Variants in PARP11 observed in about 807,000 individuals in gnomAD.
PARP11 encodes the protein poly(ADP-ribose) polymerase family member 11, also known as protein mono-ADP-ribosyltransferase PARP11.
A neutral mutation model predicts 42.9 loss-of-function variants in PARP11; 31 were observed. The ratio of observed to expected loss-of-function variants is 0.72; its 90% CI spans 0.54 to 0.98. The LOEUF (loss-of-function observed/expected upper bound fraction) is 0.98. Among genes scored for constraint, PARP11 ranks in the 50% least tolerant of loss-of-function variants. The pLI is 0.00. For missense variants in PARP11, 365 were observed against 413.1 expected (o/e 0.88, Z 1.01); for synonymous variants, 137 against 127.3 (o/e 1.08, Z -0.51).
At chr12:3,848,337 G>C (rs1361175414) in intron 1 of PARP11, among the ~76,000 whole-genome samples, 1 of 152,020 alleles carries the variant, frequency 6.6e-6, no homozygotes, top group African/African-American at 2.4e-5. Flanking sequence ...AACCACAAAA[G>C]ACCCTGAATA....
intron 4 of PARP11, among the ~76,000 whole-genome samples, chr12:3,823,475 G>A (rs1032950833): frequency 6.6e-6 from 1 of 152,050 alleles, no homozygotes; most frequent in African/African-American, 2.4e-5. Context: ...ATTATTCCTA[G>A]TGCTTACGAC....
rs949055200 is a variant in PARP11 at position 3,810,687 on chromosome 12, G to C, written c.*1436C>G. On this transcript the variant is annotated 3_prime_UTR_variant, in exon 8 of 8. Coordinates refer to ENST00000228820, the MANE Select transcript of PARP11 (RefSeq NM_020367.6). ...GGAAGGAAGGAAGGAAGGAAGGAAAGAAAGAAGGAAGGAAGAGAGAGAGAA... is the reference window on the plus strand; with the variant it reads ...GGAAGGAAGGAAGGAAGGAAGGAAACAAAGAAGGAAGGAAGAGAGAGAGAA... 4.9e-5 allele frequency: 7 copies of C among 141,724 alleles called. No homozygotes were observed. Among genetic ancestry groups the C allele is most frequent in the Non-Finnish European group, 9.0e-5 (6 of 66,474 alleles). The allele number at this position is 141,724 out of a possible 1,614,324, so 8.8% of individuals were successfully genotyped here.
At position 3,853,726 on chromosome 12, in the gene PARP11, C is replaced by T. The variant is rs149986308; in HGVS notation, c.18+19486G>A. Among the ~76,000 whole-genome samples the T allele has an allele frequency of 1.7e-3, 254 of 152,218 alleles. 1 individual carries two copies. The highest frequency in any genetic ancestry group is 5.7e-3 in the African/African-American group (237 of 41,526). ...CCACTGTCAATATTAGATAGATCAA[C>T]GAGACAGAAAGTTAACAAGGATATC... On this transcript the variant is annotated intron_variant, in intron 1 of 7. Transcript: ENST00000228820.
chr12:3,869,729 T>C (rs1484275385), intron 1 of PARP11, among the ~76,000 whole-genome samples: 1 of 152,240 alleles, frequency 6.6e-6, no homozygotes, highest in Non-Finnish European at 1.5e-5. Flanking sequence ...GTACTCTTTT[T>C]CTTTCATATC....
chr12:3,825,008 G>A (rs1033442430), intron 4 of PARP11, among the ~76,000 whole-genome samples: 108 of 151,424 alleles, frequency 7.1e-4, no homozygotes, highest in African/African-American at 2.4e-3. Flanking sequence ...CAAAAGTCTT[G>A]AGAAACAAAC....
intron 6 of PARP11, among the ~76,000 whole-genome samples, chr12:3,817,621 C>A (rs1947318298): frequency 6.6e-6 from 1 of 152,204 alleles, no homozygotes; most frequent in African/African-American, 2.4e-5. Context: ...TTGCCCAGAT[C>A]CACAATCATT....
intron 1 of PARP11, among the ~76,000 whole-genome samples, chr12:3,865,695 G>A (rs1401220127): frequency 6.6e-6 from 1 of 151,900 alleles, no homozygotes; most frequent in African/African-American, 2.4e-5. Context: ...TTAGCACTGT[G>A]TATCTTTCTC....
chr12:3,840,437 G>A lies in PARP11; in HGVS notation c.19-10419C>T, dbSNP rs947746917. 7.4e-6 allele frequency: 12 copies of A among 1,613,152 alleles called. No individual in the cohort carries two copies. In the African/African-American group the frequency reaches 9.3e-5, roughly 13 times the overall value. On this transcript the variant is annotated intron_variant, in intron 1 of 7. Transcript: ENST00000228820. This position sits in a 1 kb window ranked among gnomAD's most constrained non-coding sequence, Gnocchi z 4.4. ...AAAGCCCCATTAGCACTACCTCCTC[G>A]ACTGCAGCATCCTTCAGGAGTAAGA...
At chr12:3,821,148 TA>T (rs1165313770) in intron 6 of PARP11, among the ~76,000 whole-genome samples, 1 of 152,226 alleles carries the variant, frequency 6.6e-6, no homozygotes, top group African/African-American at 2.4e-5. Context: ...CTTTTGTGTT[TA>T]TTTGCAATTT....
chr12:3,835,438 A>T (rs1343619417), intron 1 of PARP11, among the ~76,000 whole-genome samples: 1 of 152,218 alleles, frequency 6.6e-6, no homozygotes. Context: ...CAGAGTTGCT[A>T]TGTTACTTAA....
intron 7 of PARP11, 36 bp from the exon 8 acceptor site, chr12:3,812,475 T>C (rs1276556990): frequency 6.7e-7 from 1 of 1,482,012 alleles, no homozygotes. Context: ...CCAAGATTAC[T>C]CCGAAGAATA....
intron 3 of PARP11, 131 bp from the exon 4 acceptor site, chr12:3,826,364 G>A: frequency 1.8e-6 from 1 of 569,310 alleles, no homozygotes; most frequent in Admixed American, 3.3e-5. Flanking sequence ...CAAGCATAGT[G>A]TATTATGGGT....
intron 1 of PARP11, among the ~76,000 whole-genome samples, chr12:3,845,352 A>G (rs1407084171): frequency 6.6e-6 from 1 of 152,182 alleles, no homozygotes; most frequent in Non-Finnish European, 1.5e-5. Flanking sequence ...CAATGCCGAT[A>G]TATCTTATTT....
chr12:3,840,125 A>G lies in PARP11; in HGVS notation c.19-10107T>C. The stretch of plus-strand genomic sequence containing the variant: ...TCTAAACAAGCTCAGCAAAAACGTG[A>G]TTATTCCATTGCTGCTGGCTTACAA... On this transcript the variant is annotated intron_variant, in intron 1 of 7. Transcript: ENST00000228820. This position sits in a 1 kb window ranked among gnomAD's most constrained non-coding sequence, Gnocchi z 4.4. 1 of 1,610,758 alleles carries G rather than the reference A, an allele frequency of 6.2e-7. No individual in the cohort carries two copies. The highest frequency in any genetic ancestry group is 8.5e-7 in the Non-Finnish European group (1 of 1,176,878).
intron 1 of PARP11, among the ~76,000 whole-genome samples, chr12:3,838,243 T>A (rs1391421435): frequency 6.6e-6 from 1 of 151,560 alleles, no homozygotes; most frequent in African/African-American, 2.4e-5. Context: ...AAAGCAGAAA[T>A]CGTATCACTT....
intron 1 of PARP11, among the ~76,000 whole-genome samples, chr12:3,863,352 T>C (rs967139631): frequency 1.3e-5 from 2 of 152,258 alleles, no homozygotes; most frequent in Non-Finnish European, 2.9e-5. Context: ...GCCTCTTTTT[T>C]CCTTTCTTGC....
In PARP11 at chr12:3,861,251, CAAATTATTATGTTGAAATTCTA is replaced by C. The variant is rs1452459671; in HGVS notation, c.18+11939_18+11960del. On this transcript the variant is annotated intron_variant, in intron 1 of 7. Transcript: ENST00000228820. This position sits in a 1 kb window ranked among gnomAD's most constrained non-coding sequence, Gnocchi z 4.6. ...ATAGACTAAACGTTTGTGTCCTTGC[CAAATTATTATGTTGAAATTCTA>C]ACTCCTAATGTGATATGAAAATGGG... Among the ~76,000 whole-genome samples the C allele has an allele frequency of 2.6e-5, 4 of 152,024 alleles. No homozygotes were observed. Among genetic ancestry groups the C allele is most frequent in the African/African-American group, 9.7e-5 (4 of 41,366 alleles).
At chr12:3,871,540 T>C (rs372876081) in intron 1 of PARP11, among the ~76,000 whole-genome samples, 3 of 152,202 alleles carry the variant, frequency 2.0e-5, no homozygotes, top group African/African-American at 4.8e-5. Flanking sequence ...CTCTATGACG[T>C]TGGCACAATG....
intron 1 of PARP11, among the ~76,000 whole-genome samples, chr12:3,834,862 C>A (rs897357754): frequency 6.6e-6 from 1 of 151,950 alleles, no homozygotes; most frequent in Non-Finnish European, 1.5e-5. Context: ...GAACGTGGGG[C>A]AGTCTTGAAA....
Sources: gnomAD v4.1 joint callset for allele counts (sites outside exome capture counted in the v4.1 genomes callset) on GRCh38, gnomAD v4.1.1 for gene constraint, Gnocchi (gnomAD v3.1) non-coding constraint, MANE v1.5 for transcripts, NCBI Gene and HGNC (gene_info 2026-07-23, HGNC 2026-07-21) for gene names.